CNTN4: variants seen among roughly 807,000 people sequenced by gnomAD.
CNTN4 encodes the protein contactin-4.
Under a neutral mutation model 122.5 loss-of-function variants are expected in CNTN4, and 77 were observed. That is an observed-to-expected ratio of 0.63 (90% CI 0.52 to 0.76). The LOEUF (loss-of-function observed/expected upper bound fraction) is 0.76, where lower values mean the gene tolerates loss of function less well. Among genes scored for constraint, CNTN4 ranks in the 30% least tolerant of loss-of-function variants. CNTN4 has a pLI of 0.00. For missense variants in CNTN4, 1,256 were observed against 1,259.1 expected (o/e 1.00, Z 0.04); for synonymous variants, 512 against 447.0 (o/e 1.15, Z -1.83).
At chr3:2,176,249 T>G (rs116039366) in intron 2 of CNTN4, among the ~76,000 whole-genome samples, 1,683 of 152,230 alleles carry the variant, frequency 0.011, 29 homozygotes, top group African/African-American at 0.038. Flanking sequence ...TGTCAGGGCT[T>G]CACTTGATAT....
chr3:2,137,597 C>T (rs745881575), intron 2 of CNTN4, among the ~76,000 whole-genome samples: 2 of 152,120 alleles, frequency 1.3e-5, no homozygotes, highest in Admixed American at 6.5e-5. Flanking sequence ...GTAACTTTAT[C>T]ACATTGGAAA....
chr3:2,652,286 C>A (rs765083887), intron 4 of CNTN4, among the ~76,000 whole-genome samples: 3 of 152,036 alleles, frequency 2.0e-5, no homozygotes, highest in Admixed American at 6.6e-5. Context: ...AAAACCTCAT[C>A]CCAATTACAC....
intron 3 of CNTN4, among the ~76,000 whole-genome samples, chr3:2,485,637 A>G (rs1464519043): frequency 6.6e-6 from 1 of 151,222 alleles, no homozygotes; most frequent in Non-Finnish European, 1.5e-5. Context: ...GACTTGGAGA[A>G]TCTTTGTCTA....
intron 3 of CNTN4, among the ~76,000 whole-genome samples, chr3:2,483,669 G>T (rs938302382): frequency 6.6e-6 from 1 of 152,140 alleles, no homozygotes; most frequent in Non-Finnish European, 1.5e-5. Flanking sequence ...GTTCTCATGA[G>T]ATCTGATGGT....
intron 2 of CNTN4, among the ~76,000 whole-genome samples, chr3:2,167,204 CA>C (rs2036233739): frequency 6.6e-6 from 1 of 151,662 alleles, no homozygotes; most frequent in Non-Finnish European, 1.5e-5. Context: ...TTAAATGGCA[CA>C]AAGTAATTGG....
chr3:2,987,153 G>A (rs2036655982), intron 13 of CNTN4, among the ~76,000 whole-genome samples: 1 of 152,220 alleles, frequency 6.6e-6, no homozygotes, highest in South Asian at 2.1e-4. Context: ...CCCTGAAGTG[G>A]GAAGGATTTC....
intron 7 of CNTN4, among the ~76,000 whole-genome samples, chr3:2,838,592 T>C (rs1210952008): frequency 1.3e-5 from 2 of 151,998 alleles, no homozygotes; most frequent in African/African-American, 4.8e-5. Flanking sequence ...ATTAAGCATT[T>C]TGGGTGTTGA....
intron 4 of CNTN4, among the ~76,000 whole-genome samples, chr3:2,637,098 C>T (rs1389558889): frequency 2.6e-5 from 4 of 151,738 alleles, no homozygotes; most frequent in Middle Eastern, 3.4e-3. Context: ...TGCACCACCA[C>T]GCCTGGCTAA....
chr3:2,864,264 T>C lies in CNTN4; in HGVS notation c.455-2488T>C, dbSNP rs573457203. Among the ~76,000 whole-genome samples, 21 of 152,226 alleles carry C rather than the reference T, an allele frequency of 1.4e-4. No homozygotes were observed. The East Asian group carries it at 2.7e-3, about 20-fold the overall frequency. ...AATGGCTTCCCTAATATAACGCAGA[T>C]TTGAACTTTAGTCTTACTTTGTTGT... On this transcript the variant is annotated intron_variant, in intron 7 of 24. Transcript: ENST00000418658.
At chr3:2,866,163 T>C (rs772028574) in intron 7 of CNTN4, among the ~76,000 whole-genome samples, 18 of 152,186 alleles carry the variant, frequency 1.2e-4, no homozygotes, top group Non-Finnish European at 2.2e-4. Context: ...GAAGACTGCA[T>C]TGACACTCAG....
intron 3 of CNTN4, among the ~76,000 whole-genome samples, chr3:2,478,560 C>T (rs1301671502): frequency 6.6e-6 from 1 of 152,108 alleles, no homozygotes; most frequent in Non-Finnish European, 1.5e-5. Flanking sequence ...GTTAGCTATT[C>T]TTCCTGATCC....
chr3:2,656,524 C>T (rs1259641765), intron 4 of CNTN4, among the ~76,000 whole-genome samples: 1 of 152,202 alleles, frequency 6.6e-6, no homozygotes, highest in Non-Finnish European at 1.5e-5. Context: ...TATGTCTGTT[C>T]TCTGTTTGAA....
intron 4 of CNTN4, among the ~76,000 whole-genome samples, chr3:2,648,051 T>C (rs2150168016): frequency 6.6e-6 from 1 of 152,362 alleles, no homozygotes; most frequent in African/African-American, 2.4e-5. Flanking sequence ...CAGTCATCAC[T>C]GAGTGTATAT....
At chr3:2,910,997 C>G (rs1007267013) in intron 12 of CNTN4, among the ~76,000 whole-genome samples, 2 of 152,214 alleles carry the variant, frequency 1.3e-5, no homozygotes, top group Admixed American at 6.5e-5. Context: ...GCACCTCCCA[C>G]TCCCCACAGC....
At chr3:2,216,931 G>T (rs2038865976) in intron 2 of CNTN4, among the ~76,000 whole-genome samples, 1 of 152,112 alleles carries the variant, frequency 6.6e-6, no homozygotes, top group Non-Finnish European at 1.5e-5. Context: ...GGTGGGTTGT[G>T]CCTGCTGCAA....
intron 4 of CNTN4, among the ~76,000 whole-genome samples, chr3:2,613,721 C>A (rs2149847689): frequency 6.6e-6 from 1 of 152,168 alleles, no homozygotes; most frequent in Non-Finnish European, 1.5e-5. Context: ...CTTAGTTTAC[C>A]AGTTATCACT....
At chr3:3,047,440 G>A (rs1017723964) in intron 23 of CNTN4, among the ~76,000 whole-genome samples, 1 of 152,112 alleles carries the variant, frequency 6.6e-6, no homozygotes, top group African/African-American at 2.4e-5. Flanking sequence ...TCAGACCACA[G>A]TGCGATCAAA....
chr3:2,920,739 T>G lies in CNTN4; in HGVS notation c.1208-4890T>G, dbSNP rs116213230. 4.1e-3 allele frequency among the ~76,000 whole-genome samples: 617 copies of G among 152,216 alleles called. 4 individuals are homozygous for G. Among genetic ancestry groups the G allele is most frequent in the African/African-American group, 0.014 (593 of 41,526 alleles). ...TGGATCAAATACTGTGCTAAGTACT[T>G]TATGTTCAATACATGTATTATTTTA... On this transcript the variant is annotated intron_variant, in intron 12 of 24. Coordinates refer to ENST00000418658, the MANE Select transcript of CNTN4 (RefSeq NM_175607.3).
intron 2 of CNTN4, among the ~76,000 whole-genome samples, chr3:2,129,129 T>C (rs953211332): frequency 6.6e-6 from 1 of 152,048 alleles, no homozygotes; most frequent in Non-Finnish European, 1.5e-5. Flanking sequence ...TAAAACAAAA[T>C]TTCACCAACT....
Sources: allele counts gnomAD v4.1 joint callset (sites outside exome capture counted in the v4.1 genomes callset), GRCh38; gene constraint gnomAD v4.1.1; transcripts MANE v1.5; gene names NCBI Gene and HGNC (gene_info 2026-07-23, HGNC 2026-07-21).